Variants in NDUFS7 observed in about 807,000 individuals in gnomAD.
The protein encoded by NDUFS7 is NADH:ubiquinone oxidoreductase core subunit S7.
NDUFS7 carries 11 observed loss-of-function variants against 31.1 expected under a neutral mutation model. That is an observed-to-expected ratio of 0.35 (90% CI 0.22 to 0.59). The LOEUF (loss-of-function observed/expected upper bound fraction) is 0.59, where lower values mean the gene tolerates loss of function less well. Among genes scored for constraint, NDUFS7 ranks in the 20% least tolerant of loss-of-function variants. NDUFS7 has a pLI of 0.79. For missense variants in NDUFS7, 263 were observed against 324.2 expected (o/e 0.81, Z 1.45); for synonymous variants, 136 against 127.9 (o/e 1.06, Z -0.43).
intron 1 of NDUFS7, chr19:1,384,261 C>T (rs1174403579): frequency 4.5e-6 from 2 of 444,046 alleles, no homozygotes; most frequent in Non-Finnish European, 7.9e-6. Context: ...CGAGGCTGCT[C>T]TTGAGATGCC....
At chr19:1,394,791 T>C in intron 7 of NDUFS7, 1 of 1,179,208 alleles carries the variant, frequency 8.5e-7, no homozygotes, top group South Asian at 1.6e-5. Flanking sequence ...GCAGTGGCCT[T>C]GTCCTTTCTC....
At position 1,390,946 on chromosome 19, in the gene NDUFS7, G is replaced by C; in HGVS notation, c.304G>C (p.Asp102His). ...GATGCACATGGCAGCACCCCGCTAC[G>C]ACATGGACCGCTTTGGCGTGGTCTT... The part of the protein sequence containing the change: ...EMMHMAAPRY[D>H]MDRFGVVFRA... Residue 102 changes from aspartate to histidine, a missense_variant, in exon 5 of 8, where the codon GAC (aspartate) becomes CAC (histidine). Coordinates refer to ENST00000233627, the MANE Select transcript of NDUFS7 (RefSeq NM_024407.5). 1 of 1,612,664 alleles carries C rather than the reference G, an allele frequency of 6.2e-7. No homozygotes were observed. Among genetic ancestry groups the C allele is most frequent in the Non-Finnish European group, 8.5e-7 (1 of 1,179,888 alleles).
In NDUFS7 at chr19:1,393,101, C is replaced by T. The variant is rs1025266468; in HGVS notation, c.456-141C>T. 3 of 685,872 alleles carry T rather than the reference C, an allele frequency of 4.4e-6. No homozygotes were observed. The highest frequency in any genetic ancestry group is 1.8e-5 in the African/African-American group (1 of 57,034). The allele number at this position is 685,872 out of a possible 1,614,324, so 42.5% of individuals were successfully genotyped here. ...CTCTGGGAGCCTGTGCGTGTTTGCT[C>T]ATTGCTTCTCCGTGACAAGTTCCAG... On this transcript the variant is annotated intron_variant, in intron 6 of 7. Transcript: ENST00000233627. The surrounding 1 kb of genome is among the most constrained non-coding windows in gnomAD (Gnocchi z 7.3).
Position 1,391,062 on chromosome 19 carries a change from C to T in NDUFS7, c.408+12C>T. On this transcript the variant is annotated intron_variant, in intron 5 of 7. Transcript: ENST00000233627. ...CAGCGCTTCGCAAGGTAGGCCTCGTCCCAGCCGCCCAGCCGCCCCCAGAGT... is the reference window on the plus strand; with the variant it reads ...CAGCGCTTCGCAAGGTAGGCCTCGTTCCAGCCGCCCAGCCGCCCCCAGAGT... 1.9e-6 allele frequency: 3 copies of T among 1,612,292 alleles called. No homozygotes were observed. Among genetic ancestry groups the T allele is most frequent in the Non-Finnish European group, 2.5e-6 (3 of 1,179,464 alleles).
chr19:1,386,353 CCT>C (rs2082507232), intron 1 of NDUFS7, among the ~76,000 whole-genome samples: 1 of 152,186 alleles, frequency 6.6e-6, no homozygotes, highest in Non-Finnish European at 1.5e-5. Context: ...CCTGCTGAGG[CCT>C]CTGTCCTTGG....
chr19:1,394,364 T>C (rs1280791015), intron 7 of NDUFS7: 4 of 1,288,772 alleles, frequency 3.1e-6, no homozygotes, highest in African/African-American at 1.5e-5. Flanking sequence ...TCCCCTGCAG[T>C]GCAGACCAAT....
At chr19:1,392,629 G>A (rs928002855) in intron 6 of NDUFS7, 7 of 161,124 alleles carry the variant, frequency 4.3e-5, no homozygotes, top group Admixed American at 3.5e-4. Flanking sequence ...GCCTGTGTCC[G>A]AGCCTCGTGC....
At chr19:1,394,514 TCCTC>T (rs753637755) in intron 7 of NDUFS7, 58 of 1,228,300 alleles carry the variant, frequency 4.7e-5, no homozygotes, top group Non-Finnish European at 3.6e-5. Context: ...GGGACCGTGC[TCCTC>T]CCTCCCTCCC....
intron 1 of NDUFS7, chr19:1,387,139 CCCCG>C: frequency 6.6e-6 from 1 of 151,746 alleles, no homozygotes; most frequent in Admixed American, 6.5e-5. Flanking sequence ...GCAGCGCCCT[CCCCG>C]CTTAGCGGAC....
chr19:1,390,861 G>T lies in NDUFS7; in HGVS notation c.229-10G>T. 1 of 1,606,716 alleles carries T rather than the reference G, an allele frequency of 6.2e-7. No homozygotes were observed. Among genetic ancestry groups the T allele is most frequent in the Non-Finnish European group, 8.5e-7 (1 of 1,179,600 alleles). ...GGGGGTGGCGTCTGACCCGAGCCCG[G>T]CCTCCGCAGAGTTCTCTGTGGCCCA... On this transcript the variant is annotated splice_polypyrimidine_tract_variant and intron_variant, in intron 4 of 7. Coordinates refer to ENST00000233627, the MANE Select transcript of NDUFS7 (RefSeq NM_024407.5).
intron 1 of NDUFS7, 160 bp downstream of exon 1, chr19:1,384,102 C>G (rs964833274): frequency 2.6e-6 from 2 of 770,818 alleles, no homozygotes; most frequent in Admixed American, 3.9e-5. Context: ...GCCCGGCTTG[C>G]GATGAACGGT....
At position 1,388,813 on chromosome 19, in the gene NDUFS7, C is replaced by T. The variant is rs619693; in HGVS notation, c.123-20C>T. 4.1e-3 allele frequency: 6,510 copies of T among 1,575,310 alleles called. 231 individuals are homozygous for T. In the African/African-American group the frequency reaches 0.076, roughly 19 times the overall value. On this transcript the variant is annotated intron_variant, in intron 3 of 7. Transcript: ENST00000233627. ...ACCTGCGTGGCTGACGCCTCCTGTG[C>T]CCGTGTGTCTCTGTGCCAGCACCCA...
Position 1,395,552 on chromosome 19 carries a change from G to A in NDUFS7, c.*64G>A. On this transcript the variant is annotated 3_prime_UTR_variant, in exon 8 of 8. Coordinates refer to ENST00000233627, the MANE Select transcript of NDUFS7 (RefSeq NM_024407.5). The stretch of plus-strand genomic sequence containing the variant: ...TCCCCAGCCTGCTTGTGTCCCGTGA[G>A]GTTGTCAATAAACCTGCCCTCGGGC... 1 of 1,536,494 alleles carries A rather than the reference G, an allele frequency of 6.5e-7. No individual in the cohort carries two copies.
chr19:1,388,691 T>TGGGGCAGGGAG (rs745366485), intron 3 of NDUFS7, 98 bp downstream of exon 3: 2 of 1,455,478 alleles, frequency 1.4e-6, no homozygotes, highest in South Asian at 2.4e-5. Context: ...GGTGCATGGA[T>TGGGGCAGGGAG]GGGGCAGGGA....
intron 2 of NDUFS7, 173 bp from the exon 3 acceptor site, chr19:1,388,352 T>A: frequency 1.5e-6 from 1 of 659,480 alleles, no homozygotes; most frequent in Non-Finnish European, 2.7e-6. Flanking sequence ...TCATTGGGGG[T>A]CGGGGCGATG....
intron 1 of NDUFS7, 117 bp from the exon 2 acceptor site, chr19:1,387,689 TGGCAC>T: frequency 1.2e-6 from 1 of 846,240 alleles, no homozygotes. Flanking sequence ...GTTTGTTAAG[TGGCAC>T]TCGAGTTGGG....
At chr19:1,391,486 C>CTT (rs11287297) in intron 6 of NDUFS7, among the ~76,000 whole-genome samples, 5 of 122,710 alleles carry the variant, frequency 4.1e-5, no homozygotes, top group Non-Finnish European at 6.9e-5. Context: ...AGTTTTTTTT[C>CTT]TTTTTTTTTT....
Position 1,388,515 on chromosome 19 carries a change from C to T in NDUFS7, c.54-10C>T. On this transcript the variant is annotated splice_polypyrimidine_tract_variant and intron_variant, in intron 2 of 7. Coordinates refer to ENST00000233627, the MANE Select transcript of NDUFS7 (RefSeq NM_024407.5). ...GGACAGCCACTGACCCGCGTTCCAT[C>T]TCCCGGCAGCTCCAGCGTGGGCCCG... 1 of 1,610,732 alleles carries T rather than the reference C, an allele frequency of 6.2e-7. No individual in the cohort carries two copies. The highest frequency in any genetic ancestry group is 8.5e-7 in the Non-Finnish European group (1 of 1,179,772).
rs769894226 is a variant in NDUFS7 at position 1,387,846 on chromosome 19, C to A, written c.52C>A (p.Arg18Ser). The change falls in exon 2 of 8, where the codon CGC becomes AGC. Residue 18 changes from arginine (R) to serine (S), a missense_variant and splice_region_variant. Transcript: ENST00000233627. ...GCGCGGCTTCCGGATCCTTGGTCTG[C>A]GGTGAGTGCCTGAGTCTCCAGCCCT... ...GLRGFRILGL[R>S]SSVGPAVQAR... 3 of 1,591,746 alleles carry A rather than the reference C, an allele frequency of 1.9e-6. No homozygotes were observed. The highest frequency in any genetic ancestry group is 2.3e-5 in the East Asian group (1 of 44,098).
Sources: allele counts gnomAD v4.1 joint callset (sites outside exome capture counted in the v4.1 genomes callset), GRCh38; gene constraint gnomAD v4.1.1; non-coding constraint Gnocchi (gnomAD v3.1); transcripts MANE v1.5; gene names NCBI Gene and HGNC (gene_info 2026-07-23, HGNC 2026-07-21).